ZNF527: variants seen among roughly 807,000 people sequenced by gnomAD.
ZNF527 encodes the protein zinc finger protein 527.
ZNF527 carries 5 observed loss-of-function variants against 13.5 expected under a neutral mutation model. The ratio of observed to expected loss-of-function variants is 0.37; its 90% CI spans 0.19 to 0.78. The LOEUF is 0.78. ZNF527 is among the 30% of genes least tolerant of loss of function. ZNF527 has a pLI of 0.48. For missense variants in ZNF527, 628 were observed against 726.4 expected (o/e 0.86, Z 1.56); for synonymous variants, 209 against 243.1 (o/e 0.86, Z 1.30).
rs1271588816 is a variant in ZNF527, at chr19:37,391,721, G to T, written c.*1842G>T. The stretch of plus-strand genomic sequence containing the variant: ...ATTTTTAACAAATGGTAAAAGTAAA[G>T]CAGTTAATGCCTAAAATTTTTAGAG... On this transcript the variant is annotated 3_prime_UTR_variant, in exon 5 of 5. Coordinates refer to ENST00000436120, the MANE Select transcript of ZNF527 (RefSeq NM_032453.2). The T allele has an allele frequency of 2.0e-5, 3 of 152,124 alleles. No homozygotes were observed. Among genetic ancestry groups the T allele is most frequent in the African/African-American group, 7.2e-5 (3 of 41,436 alleles). 9.4% of individuals were successfully genotyped at this position (152,124 alleles called of 1,614,324 possible).
intron 3 of ZNF527, among the ~76,000 whole-genome samples, chr19:37,379,889 C>T (rs1248473489): frequency 6.6e-6 from 1 of 152,176 alleles, no homozygotes; most frequent in Non-Finnish European, 1.5e-5. Context: ...CATTCTAGAC[C>T]TACAAAATCA....
At chr19:37,375,311 T>TTTCTTTCTTTCTTTCTTTCTTTCTTTC (rs760003304) in intron 2 of ZNF527, among the ~76,000 whole-genome samples, 4 of 79,836 alleles carry the variant, frequency 5.0e-5, no homozygotes, top group Middle Eastern at 6.1e-3. Context: ...TCTTTCTTTC[T>TTTCTTTCTTTCTTTCTTTCTTTCTTTC]TTTCTTTCTT....
At position 37,388,759 on chromosome 19, in the gene ZNF527, T is replaced by C. The variant is rs779322064; in HGVS notation, c.710T>C (p.Ile237Thr). Residue 237 changes from isoleucine to threonine, a missense_variant, in exon 5 of 5, where the codon ATA (isoleucine) becomes ACA (threonine). This residue lies in a region of ZNF527 where 592 missense variants were observed against 678.0 expected (regional missense o/e 0.87). Coordinates refer to ENST00000436120, the MANE Select transcript of ZNF527 (RefSeq NM_032453.2). ...CAGAGTACGTACCTTAGTAAAGATA[T>C]AGGAATTCCTCCTGGGGAGAAACCT... is the stretch of plus-strand genomic sequence containing the variant. Reference protein sequence around the residue: ...FNQSTYLSKDIGIPPGEKPYE... With the variant: ...FNQSTYLSKDTGIPPGEKPYE... 4.3e-6 allele frequency: 7 copies of C among 1,612,746 alleles called. No homozygotes were observed. Among genetic ancestry groups the C allele is most frequent in the Admixed American group, 1.7e-5 (1 of 59,748 alleles).
chr19:37,385,111 T>C, intron 4 of ZNF527: 1 of 470,136 alleles, frequency 2.1e-6, no homozygotes, highest in East Asian at 3.1e-5. Context: ...CTGGCATACT[T>C]CCACTTTTGG....
chr19:37,382,200 C>T (rs1017448834), intron 4 of ZNF527, among the ~76,000 whole-genome samples: 10 of 152,012 alleles, frequency 6.6e-5, no homozygotes, highest in African/African-American at 2.4e-4. Flanking sequence ...GTTTAGAAAC[C>T]AAGCTAGGTA....
At chr19:37,378,449 T>C (rs2040625734) in intron 2 of ZNF527, among the ~76,000 whole-genome samples, 1 of 152,226 alleles carries the variant, frequency 6.6e-6, no homozygotes, top group Non-Finnish European at 1.5e-5. Context: ...TCACCATTTA[T>C]TCCCTGAGTA....
At chr19:37,383,443 C>A (rs957110703) in intron 4 of ZNF527, among the ~76,000 whole-genome samples, 2 of 152,012 alleles carry the variant, frequency 1.3e-5, no homozygotes, top group Admixed American at 6.6e-5. Context: ...GCCATGTTGG[C>A]CAGGTTGATC....
rs1377392053 is a variant in ZNF527 at position 37,385,691 on chromosome 19, A to AT, written c.257-2608dup. 18 of 206,736 alleles carry AT rather than the reference A, an allele frequency of 8.7e-5. No homozygotes were observed. In the South Asian group the frequency reaches 1.9e-3, roughly 22 times the overall value. 12.8% of individuals were successfully genotyped at this position (206,736 alleles called of 1,614,324 possible). A position where few individuals can be genotyped will look rare whatever the true frequency, so the allele number is the denominator to read the frequency against. The stretch of plus-strand genomic sequence containing the variant: ...TGTGGTAAAAACATATGCATATATT[A>AT]TTTTTTTGCTTTGTTGCAATTATAT... On this transcript the variant is annotated intron_variant, in intron 4 of 4. Coordinates refer to ENST00000436120, the MANE Select transcript of ZNF527 (RefSeq NM_032453.2).
chr19:37,373,253 GCCA>G (rs2040573438), intron 1 of ZNF527, among the ~76,000 whole-genome samples: 1 of 152,182 alleles, frequency 6.6e-6, no homozygotes, highest in South Asian at 2.1e-4. Flanking sequence ...GAGAGATTAT[GCCA>G]CCGATTGTGT....
intron 2 of ZNF527, among the ~76,000 whole-genome samples, chr19:37,374,489 A>T (rs929163291): frequency 6.6e-6 from 1 of 152,212 alleles, no homozygotes; most frequent in African/African-American, 2.4e-5. Flanking sequence ...GAAATAAGGG[A>T]TAGAGTTTGA....
Position 37,388,719 on chromosome 19 carries a change from T to C in ZNF527, c.670T>C (p.Cys224Arg). ...AEKESLIGNE[C>R]EEFNQSTYLS... Reference sequence around the variant, plus strand: ...GAAGGAATCTTTGATAGGTAATGAATGTGAAGAATTCAACCAGAGTACGTA... The same window carrying C: ...GAAGGAATCTTTGATAGGTAATGAACGTGAAGAATTCAACCAGAGTACGTA... The change falls in exon 5 of 5, where the codon TGT becomes CGT. Residue 224 changes from cysteine to arginine, a missense_variant. Physicochemically the swap from Cys to Arg is radical, Grantham distance 180. Around this residue, in one of 3 missense-constraint regions of ZNF527, gnomAD observed 592 missense variants for 678.0 expected, o/e 0.87. Transcript: ENST00000436120. 6.2e-7 allele frequency: 1 copy of C among 1,612,190 alleles called. No homozygotes were observed. The highest frequency in any genetic ancestry group is 8.5e-7 in the Non-Finnish European group (1 of 1,179,478).
At chr19:37,387,508 A>G (rs1385189625) in intron 4 of ZNF527, among the ~76,000 whole-genome samples, 1 of 152,214 alleles carries the variant, frequency 6.6e-6, no homozygotes, top group Admixed American at 6.5e-5. Flanking sequence ...TAGGTACTTC[A>G]GACCTACTAA....
intron 4 of ZNF527, among the ~76,000 whole-genome samples, chr19:37,383,102 G>A (rs2040668113): frequency 6.6e-6 from 1 of 152,176 alleles, no homozygotes; most frequent in Non-Finnish European, 1.5e-5. Flanking sequence ...CACACATTTA[G>A]TGGCTTAATC....
At chr19:37,385,012 G>C (rs2040686518) in intron 4 of ZNF527, 1 of 700,116 alleles carries the variant, frequency 1.4e-6, no homozygotes, top group South Asian at 1.5e-5. Flanking sequence ...TTCTTGTAGA[G>C]ACGAGGTCTC....
At chr19:37,384,604 A>T (rs1445866225) in intron 4 of ZNF527, among the ~76,000 whole-genome samples, 3 of 152,174 alleles carry the variant, frequency 2.0e-5, no homozygotes, top group African/African-American at 7.2e-5. Flanking sequence ...AAGTGATTGT[A>T]TCAGTTTATG....
Position 37,381,409 on chromosome 19 carries a change from A to G in ZNF527, c.256+1037A>G, listed in dbSNP as rs73930982. Among the ~76,000 whole-genome samples the G allele has an allele frequency of 3.7e-3, 561 of 152,296 alleles. 2 individuals carry two copies. Among genetic ancestry groups the G allele is most frequent in the African/African-American group, 0.013 (540 of 41,566 alleles). ...GGCTCATTATATTTGCATGCACTCA[A>G]TTTGGATCTATCTGATTTATCTGAT... On this transcript the variant is annotated intron_variant, in intron 4 of 4. Transcript: ENST00000436120.
intron 4 of ZNF527, among the ~76,000 whole-genome samples, chr19:37,381,900 C>T (rs2040656768): frequency 6.6e-6 from 1 of 152,042 alleles, no homozygotes; most frequent in African/African-American, 2.4e-5. Flanking sequence ...TAATTTACCT[C>T]ATAAAATTTA....
At chr19:37,380,064 C>T in intron 3 of ZNF527, 1 of 872,870 alleles carries the variant, frequency 1.1e-6, no homozygotes, top group Non-Finnish European at 1.6e-6. Context: ...GCTGCAGCTG[C>T]TGTAGCACTT....
chr19:37,386,807 G>A (rs576349644), intron 4 of ZNF527, among the ~76,000 whole-genome samples: 3 of 152,210 alleles, frequency 2.0e-5, no homozygotes, highest in African/African-American at 4.8e-5. Context: ...TTTGCCTGGA[G>A]TAAAGACTTA....
Sources: allele counts gnomAD v4.1 joint callset (sites outside exome capture counted in the v4.1 genomes callset), GRCh38; gene constraint gnomAD v4.1.1; regional missense constraint gnomAD v4.1.1; transcripts MANE v1.5; gene names NCBI Gene and HGNC (gene_info 2026-07-23, HGNC 2026-07-21).